NINL: variants seen among roughly 807,000 people sequenced by gnomAD.
NINL encodes the protein ninein-like protein.
A neutral mutation model predicts 160.3 loss-of-function variants in NINL; 153 were observed. The ratio of observed to expected loss-of-function variants is 0.95; its 90% CI spans 0.84 to 1.09. The LOEUF is 1.09. Among genes scored for constraint, NINL ranks in the 50% least tolerant of loss-of-function variants. The pLI is 0.00. For missense variants in NINL, 1,829 were observed against 1,764.0 expected (o/e 1.04, Z -0.66); for synonymous variants, 800 against 734.8 (o/e 1.09, Z -1.43).
chr20:25,489,285 G>T lies in NINL; in HGVS notation c.1636C>A (p.Arg546=), dbSNP rs762777675. The change falls in exon 13 of 24, where the codon CGG becomes AGG. Residue 546 remains arginine, a synonymous_variant. Coordinates refer to ENST00000278886, the MANE Select transcript of NINL (RefSeq NM_025176.6). ...TATTCCTTCAGGACTGCTGCGAACC[G>T]CTCCTCCTGGGCCAGGAGCTCTGCA... The part of the protein sequence containing the change: ...QSAELLAQEE[R]FAAVLKEYEL... 1 of 1,614,022 alleles carries T rather than the reference G, an allele frequency of 6.2e-7. No individual in the cohort carries two copies. The highest frequency in any genetic ancestry group is 8.5e-7 in the Non-Finnish European group (1 of 1,179,992).
intron 3 of NINL, among the ~76,000 whole-genome samples, chr20:25,514,423 G>T (rs1221791552): frequency 6.6e-6 from 1 of 152,216 alleles, no homozygotes; most frequent in Non-Finnish European, 1.5e-5. Flanking sequence ...GCAAAGAGAT[G>T]ATCTGAAACT....
intron 1 of NINL, among the ~76,000 whole-genome samples, chr20:25,570,694 C>CTTT (rs57981279): frequency 0.012 from 1,083 of 90,800 alleles, 27 homozygotes; most frequent in Non-Finnish European, 0.014. Flanking sequence ...GGCAAGTAGA[C>CTTT]TTTTTTTTTT....
At chr20:25,547,328 T>TAATAACATC in intron 1 of NINL, among the ~76,000 whole-genome samples, 1 of 152,302 alleles carries the variant, frequency 6.6e-6, no homozygotes, top group South Asian at 2.1e-4. Context: ...ACATTCTTGG[T>TAATAACATC]CACAGCTTCA....
intron 1 of NINL, among the ~76,000 whole-genome samples, chr20:25,567,469 G>C (rs2065008983): frequency 6.6e-6 from 1 of 151,888 alleles, no homozygotes; most frequent in Admixed American, 6.6e-5. Flanking sequence ...TCAAATTGGA[G>C]AAAACCAAAA....
intron 1 of NINL, among the ~76,000 whole-genome samples, chr20:25,569,783 C>A (rs2065034099): frequency 6.6e-6 from 1 of 152,166 alleles, no homozygotes; most frequent in Admixed American, 6.5e-5. Context: ...TGCAGCAGGG[C>A]CACAACTGAG....
At position 25,453,292 on chromosome 20, in the gene NINL, C is replaced by A; in HGVS notation, c.*159G>T. 1 of 572,862 alleles carries A rather than the reference C, an allele frequency of 1.7e-6. No individual in the cohort carries two copies. The highest frequency in any genetic ancestry group is 2.8e-6 in the Non-Finnish European group (1 of 354,664). The allele number at this position is 572,862 out of a possible 1,614,324, so 35.5% of individuals were successfully genotyped here. A position where few individuals can be genotyped will look rare whatever the true frequency, so the allele number is the denominator to read the frequency against. On this transcript the variant is annotated 3_prime_UTR_variant, in exon 24 of 24. Transcript: ENST00000278886. ...CCCCCAGCCCCCACCTCCATCTTGC[C>A]CAGGGCAGACCATTCATTAACTATC...
Position 25,530,194 on chromosome 20 carries a change from G to C in NINL, c.-11-3596C>G, listed in dbSNP as rs570248140. On this transcript the variant is annotated intron_variant, in intron 1 of 23. Transcript: ENST00000278886. Reference sequence around the variant, plus strand: ...AATCACTGCTTGGAACACAGGCTTTGAGATCATTTCTAAGTCTCTAGAACA... The same window carrying C: ...AATCACTGCTTGGAACACAGGCTTTCAGATCATTTCTAAGTCTCTAGAACA... Among the ~76,000 whole-genome samples the C allele has an allele frequency of 1.7e-3, 253 of 152,274 alleles. 2 individuals are homozygous for C. The highest frequency in any genetic ancestry group is 2.7e-3 in the Non-Finnish European group (183 of 68,026).
At position 25,568,413 on chromosome 20, in the gene NINL, CT is replaced by C. The variant is rs1029475138; in HGVS notation, c.-12+17041del. Among the ~76,000 whole-genome samples the C allele has an allele frequency of 9.8e-3, 1,434 of 145,942 alleles. 20 individuals are homozygous for C. Among genetic ancestry groups the C allele is most frequent in the African/African-American group, 0.03 (1,199 of 39,992 alleles). The stretch of plus-strand genomic sequence containing the variant: ...ATTAAAAGGACCAATTTCTTTCTTA[CT>C]TTTTTTTTTTAAAGACAGACTCTCA... On this transcript the variant is annotated intron_variant, in intron 1 of 23. Transcript: ENST00000278886.
chr20:25,532,843 C>G (rs979414159), intron 1 of NINL, among the ~76,000 whole-genome samples: 1 of 152,166 alleles, frequency 6.6e-6, no homozygotes, highest in African/African-American at 2.4e-5. Context: ...TCCCATACAC[C>G]CGATAGAACC....
rs572913298 is a variant in NINL, at chr20:25,512,973, T to G, written c.311A>C (p.Asn104Thr). ...ASSAIPPKYV[N>T]GSKWYGRRSR... Reference sequence around the variant, plus strand: ...CCGACGGCCATACCACTTAGAACCATTCACATACTTTGGAGGGATGGCACT... The same window carrying G: ...CCGACGGCCATACCACTTAGAACCAGTCACATACTTTGGAGGGATGGCACT... Residue 104 changes from asparagine to threonine, a missense_variant, in exon 4 of 24, where the codon AAT (asparagine) becomes ACT (threonine). By Grantham distance (65) the Asn-to-Thr change is moderately conservative. Transcript: ENST00000278886. 1 of 1,607,942 alleles carries G rather than the reference T, an allele frequency of 6.2e-7. No homozygotes were observed. The highest frequency in any genetic ancestry group is 1.1e-5 in the South Asian group (1 of 90,530).
intron 18 of NINL, among the ~76,000 whole-genome samples, chr20:25,469,358 G>A (rs886262549): frequency 9.1e-6 from 1 of 109,350 alleles, no homozygotes; most frequent in African/African-American, 3.7e-5. Flanking sequence ...GACTTTCACT[G>A]GTGGCCGCCC....
intron 1 of NINL, among the ~76,000 whole-genome samples, chr20:25,564,567 C>T (rs2064979492): frequency 6.6e-6 from 1 of 152,170 alleles, no homozygotes. Flanking sequence ...ATCTTTCTGC[C>T]TTGGCCTCCC....
chr20:25,519,945 A>G (rs1266851579), intron 2 of NINL, among the ~76,000 whole-genome samples: 1 of 134,864 alleles, frequency 7.4e-6, no homozygotes, highest in Non-Finnish European at 1.6e-5. Context: ...TCGAGGCTAC[A>G]GTGAGCCAAG....
chr20:25,547,413 G>GAT (rs943865611), intron 1 of NINL, among the ~76,000 whole-genome samples: 2 of 152,190 alleles, frequency 1.3e-5, no homozygotes, highest in African/African-American at 4.8e-5. Flanking sequence ...AACCCCCAGA[G>GAT]ATGGTCTTGG....
At chr20:25,455,396 C>G (rs1392115174) in intron 23 of NINL, among the ~76,000 whole-genome samples, 1 of 152,236 alleles carries the variant, frequency 6.6e-6, no homozygotes, top group Non-Finnish European at 1.5e-5. Flanking sequence ...CCTGGGAAAG[C>G]TTAGACCAGA....
intron 1 of NINL, among the ~76,000 whole-genome samples, chr20:25,555,646 G>A (rs765134963): frequency 3.3e-5 from 5 of 151,980 alleles, no homozygotes; most frequent in Non-Finnish European, 4.4e-5. Context: ...TAGGAGGATC[G>A]CTTGAGTCCA....
At chr20:25,483,873 G>A (rs1381924482) in intron 13 of NINL, among the ~76,000 whole-genome samples, 1 of 152,220 alleles carries the variant, frequency 6.6e-6, no homozygotes, top group African/African-American at 2.4e-5. Context: ...CCATTCACAC[G>A]TGGCTGGGGC....
At position 25,476,947 on chromosome 20, in the gene NINL, C is replaced by T. The variant is rs780202897; in HGVS notation, c.2344G>A (p.Glu782Lys). The part of the protein sequence containing the change: ...GSQRSEQLEL[E>K]RALKLQPCAS... Reference sequence around the variant, plus strand: ...CAGGGCTGCAGCTTCAGTGCCCTCTCCAGCTCCAGCTGCTCCGACCTCTGG... The same window carrying T: ...CAGGGCTGCAGCTTCAGTGCCCTCTTCAGCTCCAGCTGCTCCGACCTCTGG... The change falls in exon 17 of 24, where the codon GAG becomes AAG. Residue 782 changes from glutamate (E) to lysine (K), a missense_variant. By Grantham distance (56) the Glu-to-Lys change is moderately conservative (BLOSUM62 1). Transcript: ENST00000278886. 1.9e-6 allele frequency: 3 copies of T among 1,610,458 alleles called. No homozygotes were observed. In the African/African-American group the frequency reaches 4.0e-5, roughly 21 times the overall value.
chr20:25,498,609 A>G (rs400916), intron 8 of NINL, among the ~76,000 whole-genome samples: 4,287 of 152,312 alleles, frequency 0.028, 182 homozygotes, highest in African/African-American at 0.091. Flanking sequence ...CTCTTCCTGG[A>G]CAAAGTGTCA....
Sources: gnomAD v4.1 joint callset for allele counts (sites outside exome capture counted in the v4.1 genomes callset) on GRCh38, gnomAD v4.1.1 for gene constraint, MANE v1.5 for transcripts, NCBI Gene and HGNC (gene_info 2026-07-23, HGNC 2026-07-21) for gene names.